The following COL10A1 variants were observed in gnomAD, a reference collection of about 807,000 sequenced individuals.
The protein encoded by COL10A1 is collagen type X alpha 1 chain.
Under a neutral mutation model 18.2 loss-of-function variants are expected in COL10A1, and 10 were observed. That is an observed-to-expected ratio of 0.55 (90% CI 0.34 to 0.93). The LOEUF (loss-of-function observed/expected upper bound fraction) is 0.93. COL10A1 is among the 40% of genes least tolerant of loss of function. The probability of loss-of-function intolerance (pLI) is 0.02; values close to 1 mark genes in which losing one functional copy is unlikely to be tolerated. For synonymous variants in COL10A1, 330 were observed against 316.6 expected (o/e 1.04, Z -0.45); for missense variants, 897 against 853.5 (o/e 1.05, Z -0.64).
the COL10A1 span, among the ~76,000 whole-genome samples, chr6:116,175,150 C>T: frequency 6.6e-6 from 1 of 152,026 alleles, no homozygotes; most frequent in South Asian, 2.1e-4. Context: ...TTGATGCATT[C>T]TGACTCATAT....
the COL10A1 span, among the ~76,000 whole-genome samples, chr6:116,178,888 T>G: frequency 6.6e-6 from 1 of 152,214 alleles, no homozygotes; most frequent in Non-Finnish European, 1.5e-5. Flanking sequence ...AAGCAAAATT[T>G]CTTTTACTCG....
intron 1 of COL10A1, among the ~76,000 whole-genome samples, chr6:116,152,763 C>T (rs529744712): frequency 6.6e-6 from 1 of 152,254 alleles, no homozygotes; most frequent in African/African-American, 2.4e-5. Flanking sequence ...CCTTTTACAA[C>T]TCTAATATAG....
In COL10A1 at chr6:116,146,662, T is replaced by C. The variant is rs1222145968; in HGVS notation, c.-16+11952A>G. 3.3e-5 allele frequency among the ~76,000 whole-genome samples: 5 copies of C among 152,224 alleles called. No homozygotes were observed. In the South Asian group the frequency reaches 6.2e-4, roughly 19 times the overall value. On this transcript the variant is annotated intron_variant, in intron 1 of 1. Transcript: ENST00000418500. Reference sequence around the variant, plus strand: ...TTTCCTATAGTTATGTTATAACTTATGTTTCTTAAACTTAAGTATGCTATA... The same window carrying C: ...TTTCCTATAGTTATGTTATAACTTACGTTTCTTAAACTTAAGTATGCTATA...
upstream of COL10A1, among the ~76,000 whole-genome samples, chr6:116,163,210 G>C (rs1046325998): frequency 4.8e-5 from 7 of 145,686 alleles, no homozygotes; most frequent in Non-Finnish European, 9.0e-5. Context: ...GTGCAATTTG[G>C]CTGTGAATTC....
chr6:116,184,464 G>C, the COL10A1 span, among the ~76,000 whole-genome samples: 1 of 151,854 alleles, frequency 6.6e-6, no homozygotes, highest in Non-Finnish European at 1.5e-5. Flanking sequence ...AATTGGATTG[G>C]TACCAATTCT....
the COL10A1 span, among the ~76,000 whole-genome samples, chr6:116,192,465 A>G: frequency 6.6e-6 from 1 of 152,060 alleles, no homozygotes; most frequent in Non-Finnish European, 1.5e-5. Flanking sequence ...TTAACTATAT[A>G]CAGATGAAAG....
rs1182559215 is a variant in COL10A1 at position 116,118,988 on chromosome 6, C to T, written c.*1085G>A. On this transcript the variant is annotated 3_prime_UTR_variant, in exon 3 of 3. Coordinates refer to ENST00000651968, the MANE Select transcript of COL10A1 (RefSeq NM_000493.4). ...AAAGCCTTGAAAGAATGGTTGAGAACAGCAAATTGCTGCTTTCAAATTAAT... is the reference window on the plus strand; with the variant it reads ...AAAGCCTTGAAAGAATGGTTGAGAATAGCAAATTGCTGCTTTCAAATTAAT... The T allele has an allele frequency of 1.3e-5, 2 of 152,528 alleles. No individual in the cohort carries two copies. The highest frequency in any genetic ancestry group is 2.9e-5 in the Non-Finnish European group (2 of 68,032). The allele number at this position is 152,528 out of a possible 1,614,324, so 9.4% of individuals were successfully genotyped here.
At chr6:116,183,063 A>G in the COL10A1 span, among the ~76,000 whole-genome samples, 2 of 152,172 alleles carry the variant, frequency 1.3e-5, no homozygotes, top group Non-Finnish European at 2.9e-5. Flanking sequence ...AAGATGAGAG[A>G]TGAGGATCCA....
chr6:116,191,380 C>T, the COL10A1 span, among the ~76,000 whole-genome samples: 1 of 151,820 alleles, frequency 6.6e-6, no homozygotes, highest in African/African-American at 2.4e-5. Flanking sequence ...GTGTGATGGC[C>T]CCCATTTCTC....
At chr6:116,174,712 C>T in the COL10A1 span, among the ~76,000 whole-genome samples, 1 of 152,118 alleles carries the variant, frequency 6.6e-6, no homozygotes, top group Admixed American at 6.5e-5. Flanking sequence ...CTTTCTAGCT[C>T]TCATAACTTT....
intron 1 of COL10A1, among the ~76,000 whole-genome samples, chr6:116,148,007 GT>G (rs1342320399): frequency 3.3e-5 from 5 of 151,770 alleles, no homozygotes; most frequent in Non-Finnish European, 7.4e-5. Flanking sequence ...GGTGGGGGGG[GT>G]TGGAGGCACC....
intron 1 of COL10A1, among the ~76,000 whole-genome samples, chr6:116,140,919 A>G (rs1779748425): frequency 6.6e-6 from 1 of 152,130 alleles, no homozygotes; most frequent in South Asian, 2.1e-4. Context: ...ACTGCTCTGA[A>G]ACTTCTTGTA....
chr6:116,168,231 T>A, the COL10A1 span, among the ~76,000 whole-genome samples: 4 of 151,978 alleles, frequency 2.6e-5, no homozygotes, highest in Non-Finnish European at 5.9e-5. Context: ...GGGATTTCAG[T>A]TATTCATATT....
the COL10A1 span, among the ~76,000 whole-genome samples, chr6:116,179,251 C>T: frequency 6.6e-6 from 1 of 151,890 alleles, no homozygotes; most frequent in Non-Finnish European, 1.5e-5. Context: ...TGAAAATACT[C>T]CTTATCTTAT....
chr6:116,183,508 A>G, the COL10A1 span, among the ~76,000 whole-genome samples: 1 of 151,908 alleles, frequency 6.6e-6, no homozygotes, highest in South Asian at 2.1e-4. Flanking sequence ...GATTTTTATA[A>G]TATCCCATGT....
chr6:116,203,575 AT>A, the COL10A1 span, among the ~76,000 whole-genome samples: 2,187 of 152,086 alleles, frequency 0.014, 24 homozygotes, highest in Middle Eastern at 0.044. Flanking sequence ...GCTGTACAAT[AT>A]GCCATTATAT....
the COL10A1 span, among the ~76,000 whole-genome samples, chr6:116,185,590 T>C: frequency 1.3e-5 from 2 of 152,284 alleles, no homozygotes; most frequent in Middle Eastern, 3.4e-3. Context: ...GTTTTTCTGT[T>C]GGACTAGTCC....
upstream of COL10A1, among the ~76,000 whole-genome samples, chr6:116,161,975 A>G (rs1392007404): frequency 6.6e-6 from 1 of 151,968 alleles, no homozygotes; most frequent in Non-Finnish European, 1.5e-5. Flanking sequence ...TTGTATGGCT[A>G]TTGTAAATGG....
chr6:116,206,216 G>A, the COL10A1 span, among the ~76,000 whole-genome samples: 1 of 152,036 alleles, frequency 6.6e-6, no homozygotes, highest in African/African-American at 2.4e-5. Flanking sequence ...AGCATTTCGT[G>A]GTTAATCAAC....
Sources: allele counts gnomAD v4.1 joint callset (sites outside exome capture counted in the v4.1 genomes callset), GRCh38; gene constraint gnomAD v4.1.1; transcripts MANE v1.5; gene names NCBI Gene and HGNC (gene_info 2026-07-23, HGNC 2026-07-21).